The following UNC5D variants were observed in gnomAD, a reference collection of about 807,000 sequenced individuals.
UNC5D encodes the protein netrin receptor UNC5D.
A neutral mutation model predicts 105.4 loss-of-function variants in UNC5D; 39 were observed. That is an observed-to-expected ratio of 0.37 (90% CI 0.29 to 0.48). The LOEUF (loss-of-function observed/expected upper bound fraction) is 0.48. Among genes scored for constraint, UNC5D ranks in the 20% least tolerant of loss-of-function variants. The pLI is 0.98. For missense variants in UNC5D, 991 were observed against 1,202.4 expected (o/e 0.82, Z 2.60); for synonymous variants, 452 against 450.4 (o/e 1.00, Z -0.04).
chr8:35,481,969 G>T (rs1224755440), intron 1 of UNC5D, among the ~76,000 whole-genome samples: 2 of 152,122 alleles, frequency 1.3e-5, no homozygotes, highest in East Asian at 3.9e-4. Context: ...ATATATTAGA[G>T]AGTCAAAAAG....
intron 1 of UNC5D, among the ~76,000 whole-genome samples, chr8:35,385,068 G>A (rs1156381939): frequency 2.0e-5 from 3 of 152,132 alleles, no homozygotes; most frequent in Admixed American, 1.3e-4. Context: ...TTGGCAGGCC[G>A]CCATGTAACC....
intron 1 of UNC5D, among the ~76,000 whole-genome samples, chr8:35,285,099 A>G (rs1317250473): frequency 6.6e-6 from 1 of 152,214 alleles, no homozygotes; most frequent in Admixed American, 6.5e-5. Flanking sequence ...TTTTGAGTTT[A>G]TGCTGTTATA....
intron 14 of UNC5D, among the ~76,000 whole-genome samples, chr8:35,763,027 T>C (rs1323766225): frequency 6.6e-6 from 1 of 152,232 alleles, no homozygotes; most frequent in Non-Finnish European, 1.5e-5. Flanking sequence ...ACATAATTCC[T>C]CTCAGCTCAG....
At chr8:35,259,653 C>T (rs1271496428) in intron 1 of UNC5D, among the ~76,000 whole-genome samples, 1 of 151,958 alleles carries the variant, frequency 6.6e-6, no homozygotes, top group East Asian at 1.9e-4. Context: ...AGCACTTTTA[C>T]CCTTTGAAAA....
intron 1 of UNC5D, among the ~76,000 whole-genome samples, chr8:35,238,752 G>T (rs1802623564): frequency 6.6e-6 from 1 of 152,154 alleles, no homozygotes. Context: ...CCTGGACAAT[G>T]AAATTTTGAT....
At chr8:35,744,705 C>A (rs140407818) in intron 11 of UNC5D, among the ~76,000 whole-genome samples, 2 of 151,962 alleles carry the variant, frequency 1.3e-5, no homozygotes, top group African/African-American at 2.4e-5. Context: ...GTGCTTACAG[C>A]GGGCATGTAT....
chr8:35,434,548 A>T (rs535545452), intron 1 of UNC5D, among the ~76,000 whole-genome samples: 3 of 152,126 alleles, frequency 2.0e-5, no homozygotes, highest in African/African-American at 7.2e-5. Context: ...ATTATTCCCC[A>T]GAATAAATTA....
chr8:35,318,509 T>G (rs576351549), intron 1 of UNC5D, among the ~76,000 whole-genome samples: 1 of 152,260 alleles, frequency 6.6e-6, no homozygotes, highest in African/African-American at 2.4e-5. Flanking sequence ...TGCATCTGAT[T>G]CTGTTTTATC....
intron 9 of UNC5D, among the ~76,000 whole-genome samples, chr8:35,725,292 A>G (rs990265367): frequency 6.6e-6 from 1 of 152,176 alleles, no homozygotes; most frequent in Admixed American, 6.5e-5. Context: ...TTTGTTATTT[A>G]CTAATAAATG....
At chr8:35,566,990 T>G (rs1029309694) in intron 2 of UNC5D, among the ~76,000 whole-genome samples, 4 of 151,846 alleles carry the variant, frequency 2.6e-5, no homozygotes, top group Admixed American at 2.6e-4. Flanking sequence ...TGATAGTCCT[T>G]GGTCAAAGGT....
chr8:35,524,633 C>A (rs1813718637), intron 1 of UNC5D, among the ~76,000 whole-genome samples: 1 of 124,538 alleles, frequency 8.0e-6, no homozygotes, highest in Non-Finnish European at 1.7e-5. Context: ...TCAAGCCATG[C>A]CCTGTGCAAA....
At chr8:35,322,939 C>T (rs899160959) in intron 1 of UNC5D, among the ~76,000 whole-genome samples, 7 of 152,114 alleles carry the variant, frequency 4.6e-5, no homozygotes, top group Non-Finnish European at 1.0e-4. Flanking sequence ...CTTCCATTTG[C>T]ACGCTATATT....
chr8:35,717,481 G>T (rs1828316986), intron 8 of UNC5D, among the ~76,000 whole-genome samples: 1 of 152,276 alleles, frequency 6.6e-6, no homozygotes, highest in African/African-American at 2.4e-5. Flanking sequence ...CATCCACCTT[G>T]TTAATACCCA....
At chr8:35,612,001 G>A (rs1040068411) in intron 4 of UNC5D, among the ~76,000 whole-genome samples, 10 of 152,158 alleles carry the variant, frequency 6.6e-5, no homozygotes, top group African/African-American at 2.4e-4. Context: ...ATCTTAACAG[G>A]TTATATTTGC....
chr8:35,334,469 T>C (rs978698358), intron 1 of UNC5D, among the ~76,000 whole-genome samples: 2 of 152,146 alleles, frequency 1.3e-5, no homozygotes, highest in Non-Finnish European at 2.9e-5. Flanking sequence ...GGAGTTAGAC[T>C]ACTTAGATTT....
intron 1 of UNC5D, among the ~76,000 whole-genome samples, chr8:35,488,057 G>A (rs1176877155): frequency 6.6e-6 from 1 of 152,144 alleles, no homozygotes; most frequent in African/African-American, 2.4e-5. Context: ...ATGAGGAATT[G>A]ATAAGCAAAA....
chr8:35,431,579 A>AT (rs1290910519), intron 1 of UNC5D, among the ~76,000 whole-genome samples: 2 of 152,180 alleles, frequency 1.3e-5, no homozygotes, highest in African/African-American at 2.4e-5. Context: ...TGAGGAAAGT[A>AT]TAAAAACTCT....
intron 8 of UNC5D, chr8:35,721,367 CTA>C (rs1828573208): frequency 1.4e-6 from 1 of 701,580 alleles, no homozygotes; most frequent in Middle Eastern, 2.3e-4. Flanking sequence ...TGAAAAGCAG[CTA>C]TAGCACATCT....
chr8:35,645,596 C>T (rs1166912863), intron 4 of UNC5D, among the ~76,000 whole-genome samples: 2 of 151,526 alleles, frequency 1.3e-5, no homozygotes, highest in South Asian at 2.1e-4. Context: ...TTCTTCCCAG[C>T]TTATGTAATC....
Sources: allele counts gnomAD v4.1 joint callset (sites outside exome capture counted in the v4.1 genomes callset), GRCh38; gene constraint gnomAD v4.1.1; transcripts MANE v1.5; gene names NCBI Gene and HGNC (gene_info 2026-07-23, HGNC 2026-07-21).